The following CCDC73 variants were observed in gnomAD, a reference collection of about 807,000 sequenced individuals.
CCDC73 encodes coiled-coil domain containing 73.
A neutral mutation model predicts 116.5 loss-of-function variants in CCDC73; 95 were observed. The ratio of observed to expected loss-of-function variants is 0.82; its 90% CI spans 0.69 to 0.97. CCDC73 has a LOEUF of 0.97. Among genes scored for constraint, CCDC73 ranks in the 50% least tolerant of loss-of-function variants. The pLI is 0.00. For missense variants in CCDC73, 1,066 were observed against 1,206.8 expected (o/e 0.88, Z 1.73); for synonymous variants, 398 against 401.3 (o/e 0.99, Z 0.10).
At chr11:32,680,601 A>G (rs1382873459) in intron 7 of CCDC73, 2 of 152,132 alleles carry the variant, frequency 1.3e-5, no homozygotes, top group Admixed American at 1.3e-4. Context: ...TAATGTAAAA[A>G]TATTTACACA....
chr11:32,795,638 A>G (rs559614946), upstream of CCDC73, among the ~76,000 whole-genome samples: 1 of 152,064 alleles, frequency 6.6e-6, no homozygotes, highest in Non-Finnish European at 1.5e-5. Context: ...TTTCAGGCCT[A>G]CATTGTTTTT....
chr11:32,696,788 T>G (rs796942246), intron 6 of CCDC73, among the ~76,000 whole-genome samples: 1 of 152,042 alleles, frequency 6.6e-6, no homozygotes, highest in South Asian at 2.1e-4. Context: ...TTGCTTTATA[T>G]CTTTCTCATA....
At chr11:32,637,318 T>C (rs1488327290) in intron 13 of CCDC73, among the ~76,000 whole-genome samples, 1 of 152,018 alleles carries the variant, frequency 6.6e-6, no homozygotes, top group Non-Finnish European at 1.5e-5. Flanking sequence ...GCCCTGTCTT[T>C]CTCATTTCTT....
At chr11:32,806,709 C>T in the CCDC73 span, among the ~76,000 whole-genome samples, 1 of 152,052 alleles carries the variant, frequency 6.6e-6, no homozygotes, top group South Asian at 2.1e-4. Context: ...GTTAGCCTCC[C>T]CAGGTCCAAA....
chr11:32,604,781 T>G (rs184317826), intron 17 of CCDC73: 1 of 152,218 alleles, frequency 6.6e-6, no homozygotes, highest in Non-Finnish European at 1.5e-5. Context: ...TAAAATCTTT[T>G]TCAATTTGAC....
At chr11:32,729,115 A>G (rs1466786097) in intron 2 of CCDC73, among the ~76,000 whole-genome samples, 1 of 151,924 alleles carries the variant, frequency 6.6e-6, no homozygotes, top group African/African-American at 2.4e-5. Flanking sequence ...AGATCAACCC[A>G]TCACCTAGGT....
chr11:32,637,507 CT>C (rs1422221594), intron 13 of CCDC73, among the ~76,000 whole-genome samples: 1 of 152,034 alleles, frequency 6.6e-6, no homozygotes, highest in Non-Finnish European at 1.5e-5. Flanking sequence ...CTACTCTGTT[CT>C]TGAAACAGCT....
At chr11:32,675,777 G>T (rs906702782) in intron 8 of CCDC73, 109 bp downstream of exon 8, 5 of 1,201,110 alleles carry the variant, frequency 4.2e-6, no homozygotes, top group Non-Finnish European at 5.9e-6. Flanking sequence ...GTTATTAACT[G>T]CCATTTACTA....
intron 6 of CCDC73, among the ~76,000 whole-genome samples, chr11:32,685,343 T>C (rs774163884): frequency 5.4e-5 from 8 of 147,536 alleles, no homozygotes; most frequent in Non-Finnish European, 1.0e-4. Context: ...TTAAAATATA[T>C]AGTATATTAG....
At chr11:32,807,143 A>G in the CCDC73 span, among the ~76,000 whole-genome samples, 1 of 152,172 alleles carries the variant, frequency 6.6e-6, no homozygotes, top group African/African-American at 2.4e-5. Flanking sequence ...GGCTTCAAAT[A>G]TGCCTAATCA....
At chr11:32,647,721 C>G (rs1481152206) in intron 12 of CCDC73, among the ~76,000 whole-genome samples, 1 of 151,896 alleles carries the variant, frequency 6.6e-6, no homozygotes, top group Non-Finnish European at 1.5e-5. Context: ...AGGCTAGTTG[C>G]CCTCTCAATG....
the CCDC73 span, among the ~76,000 whole-genome samples, chr11:32,820,227 C>T: frequency 6.6e-6 from 1 of 152,078 alleles, no homozygotes; most frequent in Non-Finnish European, 1.5e-5. Context: ...TGCAATCACT[C>T]ACTGCAGCCT....
At chr11:32,678,681 C>T (rs551799600) in intron 7 of CCDC73, among the ~76,000 whole-genome samples, 1 of 151,868 alleles carries the variant, frequency 6.6e-6, no homozygotes, top group Non-Finnish European at 1.5e-5. Context: ...GTCAGGAGTT[C>T]GAGACCAGCC....
At chr11:32,758,074 A>G (rs534971844) in intron 2 of CCDC73, among the ~76,000 whole-genome samples, 1 of 152,318 alleles carries the variant, frequency 6.6e-6, no homozygotes, top group East Asian at 1.9e-4. Flanking sequence ...AATACAGGTC[A>G]AGTACCGCCA....
the CCDC73 span, among the ~76,000 whole-genome samples, chr11:32,818,222 C>T: frequency 6.6e-6 from 1 of 152,172 alleles, no homozygotes; most frequent in Non-Finnish European, 1.5e-5. Flanking sequence ...GTGTGCTGTC[C>T]TCTGCCCTTT....
At chr11:32,661,698 T>A (rs1855928798) in intron 9 of CCDC73, among the ~76,000 whole-genome samples, 1 of 151,298 alleles carries the variant, frequency 6.6e-6, no homozygotes, top group Non-Finnish European at 1.5e-5. Flanking sequence ...TTTATTATTA[T>A]TATACTTTAA....
chr11:32,762,178 CA>C (rs1565095987), intron 1 of CCDC73, among the ~76,000 whole-genome samples: 18 of 152,074 alleles, frequency 1.2e-4, no homozygotes, highest in Non-Finnish European at 2.4e-4. Flanking sequence ...GGAAAATTTC[CA>C]TTACTGAAAA....
At chr11:32,701,602 C>A (rs1849813703) in intron 4 of CCDC73, among the ~76,000 whole-genome samples, 1 of 151,982 alleles carries the variant, frequency 6.6e-6, no homozygotes, top group Non-Finnish European at 1.5e-5. Flanking sequence ...GCGGGAGGAT[C>A]GTTTGAGCCC....
the CCDC73 span, among the ~76,000 whole-genome samples, chr11:32,810,920 C>A: frequency 6.6e-6 from 1 of 152,052 alleles, no homozygotes; most frequent in Non-Finnish European, 1.5e-5. Context: ...CACTTGAAGT[C>A]AGGAGTTTGA....
Sources: allele counts gnomAD v4.1 joint callset (sites outside exome capture counted in the v4.1 genomes callset), GRCh38; gene constraint gnomAD v4.1.1; transcripts MANE v1.5; gene names NCBI Gene and HGNC (gene_info 2026-07-23, HGNC 2026-07-21).